Variants in GBE1 observed in about 807,000 individuals in gnomAD.
GBE1 encodes 1,4-alpha-glucan-branching enzyme.
Under a neutral mutation model 88.8 loss-of-function variants are expected in GBE1, and 70 were observed. That is an observed-to-expected ratio of 0.79 (90% CI 0.65 to 0.96). The LOEUF (loss-of-function observed/expected upper bound fraction) is 0.96, where lower values mean the gene tolerates loss of function less well. Among genes scored for constraint, GBE1 ranks in the 40% least tolerant of loss-of-function variants. The pLI is 0.00. For missense variants in GBE1, 872 were observed against 871.0 expected (o/e 1.00, Z -0.01); for synonymous variants, 284 against 300.1 (o/e 0.95, Z 0.56).
intron 14 of GBE1, among the ~76,000 whole-genome samples, chr3:81,528,280 C>T (rs369823594): frequency 2.0e-5 from 3 of 150,838 alleles, no homozygotes; most frequent in African/African-American, 7.3e-5. Flanking sequence ...TGTTAAATGA[C>T]GAGTTAATGG....
chr3:81,742,405 T>C (rs755893325), intron 1 of GBE1, among the ~76,000 whole-genome samples: 2 of 152,122 alleles, frequency 1.3e-5, no homozygotes, highest in Non-Finnish European at 2.9e-5. Context: ...TAAAAAAGGA[T>C]GGTTTATGAC....
chr3:81,656,723 A>T (rs1351150793), intron 3 of GBE1, among the ~76,000 whole-genome samples: 1 of 152,224 alleles, frequency 6.6e-6, no homozygotes, highest in African/African-American at 2.4e-5. Context: ...TCTTACTCCC[A>T]AAAAGTAGAC....
chr3:81,615,238 G>A (rs904610626), intron 7 of GBE1, among the ~76,000 whole-genome samples: 13 of 152,152 alleles, frequency 8.5e-5, no homozygotes, highest in African/African-American at 2.2e-4. Flanking sequence ...TGAGAAAGCT[G>A]TAGATTTATA....
At chr3:81,533,868 A>C (rs549387425) in intron 14 of GBE1, among the ~76,000 whole-genome samples, 1 of 152,132 alleles carries the variant, frequency 6.6e-6, no homozygotes, top group East Asian at 1.9e-4. Flanking sequence ...TTATCTAATG[A>C]TTAGTAACAG....
At chr3:81,547,480 T>A (rs1283972119) in intron 12 of GBE1, among the ~76,000 whole-genome samples, 1 of 151,374 alleles carries the variant, frequency 6.6e-6, no homozygotes, top group African/African-American at 2.4e-5. Context: ...ATTCGATAAT[T>A]TTCCTCTTTG....
intron 1 of GBE1, among the ~76,000 whole-genome samples, chr3:81,738,068 C>A (rs1191756037): frequency 1.3e-5 from 2 of 151,808 alleles, no homozygotes; most frequent in African/African-American, 4.8e-5. Context: ...CATGTCCCTA[C>A]AAAGGACATG....
intron 12 of GBE1, among the ~76,000 whole-genome samples, chr3:81,541,363 T>G (rs1201964909): frequency 6.6e-6 from 1 of 151,712 alleles, no homozygotes; most frequent in African/African-American, 2.4e-5. Context: ...TGAAATTACA[T>G]TATTATCATT....
chr3:81,734,160 A>C (rs183359402), intron 1 of GBE1, among the ~76,000 whole-genome samples: 2 of 152,150 alleles, frequency 1.3e-5, no homozygotes, highest in Admixed American at 1.3e-4. Flanking sequence ...GTATTTGTAA[A>C]TGTTATGTTA....
At chr3:81,548,270 A>G (rs932393292) in intron 12 of GBE1, among the ~76,000 whole-genome samples, 1 of 151,586 alleles carries the variant, frequency 6.6e-6, no homozygotes, top group African/African-American at 2.4e-5. Context: ...GTTTATGAGT[A>G]TCTCACCTTA....
intron 1 of GBE1, among the ~76,000 whole-genome samples, chr3:81,747,519 C>G (rs1048065074): frequency 2.6e-5 from 4 of 152,062 alleles, no homozygotes; most frequent in Non-Finnish European, 4.4e-5. Flanking sequence ...CATCTCTACT[C>G]AAAATACAAA....
At chr3:81,695,714 G>C (rs1705580999) in intron 2 of GBE1, among the ~76,000 whole-genome samples, 1 of 152,124 alleles carries the variant, frequency 6.6e-6, no homozygotes, top group African/African-American at 2.4e-5. Context: ...CAAAAAGCGA[G>C]AGTATTAACA....
intron 1 of GBE1, among the ~76,000 whole-genome samples, chr3:81,719,824 C>T (rs1705995948): frequency 6.6e-6 from 1 of 151,834 alleles, no homozygotes; most frequent in Non-Finnish European, 1.5e-5. Context: ...TTACCTAAAA[C>T]AATAATCAAA....
In GBE1 at chr3:81,761,599, C is replaced by T. The variant is rs779968607; in HGVS notation, c.-82G>A. On this transcript the variant is annotated 5_prime_UTR_variant, in exon 1 of 16. Transcript: ENST00000429644. ...CGCTGGAGCTCTAGCTGGGACGCGGCGGCTAGGGCGGAGCCGGAGGGCGCC... is the reference window on the plus strand; with the variant it reads ...CGCTGGAGCTCTAGCTGGGACGCGGTGGCTAGGGCGGAGCCGGAGGGCGCC... 6.7e-7 allele frequency: 1 copy of T among 1,494,032 alleles called. No individual in the cohort carries two copies. The highest frequency in any genetic ancestry group is 8.9e-7 in the Non-Finnish European group (1 of 1,118,392). The allele number at this position is 1,494,032 out of a possible 1,614,324, so 92.5% of individuals were successfully genotyped here. A position where few individuals can be genotyped will look rare whatever the true frequency, so the allele number is the denominator to read the frequency against.
At chr3:81,671,760 GTTCT>G (rs1259777392) in intron 2 of GBE1, among the ~76,000 whole-genome samples, 2 of 151,996 alleles carry the variant, frequency 1.3e-5, no homozygotes, top group African/African-American at 2.4e-5. Flanking sequence ...AGTATAAAAG[GTTCT>G]TTAAGTAAAA....
intron 14 of GBE1, among the ~76,000 whole-genome samples, chr3:81,507,565 AAAAC>A (rs917391575): frequency 1.4e-5 from 2 of 143,922 alleles, no homozygotes; most frequent in Non-Finnish European, 3.1e-5. Flanking sequence ...CTCCGTCTCA[AAAAC>A]AAACAAACAA....
chr3:81,675,323 T>C (rs993094528), intron 2 of GBE1, among the ~76,000 whole-genome samples: 2 of 152,020 alleles, frequency 1.3e-5, no homozygotes, highest in African/African-American at 2.4e-5. Context: ...GTTAATCACA[T>C]GAAATATAGG....
chr3:81,524,429 T>C (rs1383550467), intron 14 of GBE1, among the ~76,000 whole-genome samples: 2 of 151,852 alleles, frequency 1.3e-5, no homozygotes, highest in African/African-American at 2.4e-5. Context: ...TTTCCCATAA[T>C]GTGGATTGTC....
At chr3:81,585,150 G>T (rs1419919029) in intron 10 of GBE1, among the ~76,000 whole-genome samples, 1 of 151,994 alleles carries the variant, frequency 6.6e-6, no homozygotes, top group Non-Finnish European at 1.5e-5. Context: ...TAATGTTTAA[G>T]GAATTATTAT....
intron 14 of GBE1, among the ~76,000 whole-genome samples, chr3:81,526,902 G>T (rs547213531): frequency 3.3e-5 from 5 of 151,986 alleles, no homozygotes; most frequent in African/African-American, 4.8e-5. Flanking sequence ...AAAAGAGCCC[G>T]CATTGCCAAG....
Sources: gnomAD v4.1 joint callset for allele counts (sites outside exome capture counted in the v4.1 genomes callset) on GRCh38, gnomAD v4.1.1 for gene constraint, MANE v1.5 for transcripts, NCBI Gene and HGNC (gene_info 2026-07-23, HGNC 2026-07-21) for gene names.